Variants in ATF7 observed in about 807,000 individuals in gnomAD.
ATF7 encodes the protein cyclic AMP-dependent transcription factor ATF-7.
A neutral mutation model predicts 50.4 loss-of-function variants in ATF7; 10 were observed. The observed-to-expected ratio is 0.20, with a 90% CI of 0.12 to 0.34. ATF7 has a LOEUF of 0.34. ATF7 is among the 10% of genes least tolerant of loss of function. ATF7 has a pLI of 1.00. For synonymous variants in ATF7, 201 were observed against 226.4 expected (o/e 0.89, Z 1.01); for missense variants, 465 against 613.9 (o/e 0.76, Z 2.56).
Position 53,597,646 on chromosome 12 carries a change from A to G in ATF7, c.48+3307T>C, listed in dbSNP as rs1943222467. 7.9e-5 allele frequency among the ~76,000 whole-genome samples: 12 copies of G among 152,114 alleles called. No individual in the cohort carries two copies. In the South Asian group the frequency reaches 2.5e-3, roughly 32 times the overall value. On this transcript the variant is annotated intron_variant, in intron 2 of 11. Transcript: ENST00000420353. Reference sequence around the variant, plus strand: ...AACACGGTGAAACCCTGTCTCTACTAAAAATACAAAAAATTAGCTGGGTGT... The same window carrying G: ...AACACGGTGAAACCCTGTCTCTACTGAAAATACAAAAAATTAGCTGGGTGT...
At chr12:53,563,657 C>T (rs748681991) in intron 2 of ATF7, among the ~76,000 whole-genome samples, 3 of 152,194 alleles carry the variant, frequency 2.0e-5, no homozygotes, top group Admixed American at 6.5e-5. Flanking sequence ...AAAAACATGT[C>T]TCACACTTAT....
intron 1 of ATF7, among the ~76,000 whole-genome samples, chr12:53,604,420 G>A (rs759889391): frequency 1.6e-4 from 24 of 152,164 alleles, no homozygotes; most frequent in Non-Finnish European, 3.2e-4. Flanking sequence ...TGGTCACTGT[G>A]TAAGAAAACA....
downstream of ATF7, among the ~76,000 whole-genome samples, chr12:53,510,042 CTT>C (rs552667000): frequency 7.0e-5 from 10 of 142,544 alleles, no homozygotes; most frequent in Non-Finnish European, 9.3e-5. Context: ...GTAGTTTTAT[CTT>C]TTTTTTTTTT....
chr12:53,530,951 A>G (rs1435712350), intron 9 of ATF7, among the ~76,000 whole-genome samples: 1 of 152,070 alleles, frequency 6.6e-6, no homozygotes, highest in African/African-American at 2.4e-5. Flanking sequence ...ACATTTCATT[A>G]ATATATTGTT....
chr12:53,534,330 C>T, intron 6 of ATF7, among the ~76,000 whole-genome samples, 172 bp downstream of exon 6: 1 of 149,610 alleles, frequency 6.7e-6, no homozygotes, highest in East Asian at 1.9e-4. Flanking sequence ...ATTTGCTTGT[C>T]TATTAAAAAG....
intron 4 of ATF7, among the ~76,000 whole-genome samples, 163 bp from the exon 5 acceptor site, chr12:53,537,715 T>A (rs911245033): frequency 2.2e-4 from 33 of 152,066 alleles, no homozygotes; most frequent in African/African-American, 7.0e-4. Flanking sequence ...TTATGTTTGA[T>A]TTGTTTTGTA....
At chr12:53,582,573 A>G (rs1015452098) in intron 2 of ATF7, among the ~76,000 whole-genome samples, 2 of 152,046 alleles carry the variant, frequency 1.3e-5, no homozygotes, top group Non-Finnish European at 2.9e-5. Flanking sequence ...ATTACTATAT[A>G]TATTTTATTT....
chr12:53,518,264 C>T (rs1937852803), intron 11 of ATF7, among the ~76,000 whole-genome samples: 1 of 152,214 alleles, frequency 6.6e-6, no homozygotes, highest in Non-Finnish European at 1.5e-5. Flanking sequence ...ATGGCCAGTC[C>T]CTGGCCCGGG....
intron 2 of ATF7, among the ~76,000 whole-genome samples, chr12:53,577,367 C>T (rs1040696947): frequency 6.6e-6 from 1 of 151,960 alleles, no homozygotes; most frequent in Non-Finnish European, 1.5e-5. Flanking sequence ...AACAAAATAT[C>T]CAAGAACTGT....
intron 2 of ATF7, among the ~76,000 whole-genome samples, chr12:53,553,261 A>G (rs1206050489): frequency 2.6e-5 from 4 of 152,238 alleles, no homozygotes; most frequent in Non-Finnish European, 4.4e-5. Context: ...TACCAGCCCC[A>G]TCGGCCAAAT....
In ATF7 at chr12:53,514,785, G is replaced by A. The variant is rs1356877038; in HGVS notation, c.*2352C>T. On this transcript the variant is annotated 3_prime_UTR_variant, in exon 12 of 12. Coordinates refer to ENST00000420353, the MANE Select transcript of ATF7 (RefSeq NM_006856.3). ...GACAGACTGGCAGGGCATGTATGCA[G>A]TTACAAATTAATTCTTAACTGTAAA... The A allele has an allele frequency of 2.0e-5, 3 of 152,198 alleles. No homozygotes were observed. The highest frequency in any genetic ancestry group is 4.4e-5 in the Non-Finnish European group (3 of 68,044). The allele number at this position is 152,198 out of a possible 1,614,324, so 9.4% of individuals were successfully genotyped here.
chr12:53,537,594 C>G (rs1221099328), intron 4 of ATF7, 42 bp from the exon 5 acceptor site: 2 of 1,601,560 alleles, frequency 1.2e-6, no homozygotes, highest in South Asian at 2.2e-5. Context: ...CCCTATGATT[C>G]CTTTCAGGTT....
chr12:53,602,496 G>A (rs1349022140), intron 1 of ATF7, among the ~76,000 whole-genome samples: 9 of 152,022 alleles, frequency 5.9e-5, no homozygotes, highest in Non-Finnish European at 8.8e-5. Context: ...ACAACTAATC[G>A]GTGTTTAAAA....
chr12:53,530,578 T>TTTTA (rs1261970144), intron 9 of ATF7, among the ~76,000 whole-genome samples: 28 of 151,916 alleles, frequency 1.8e-4, no homozygotes, highest in Middle Eastern at 6.8e-3. Context: ...ATTTTTTTAT[T>TTTTA]TTTATTTATT....
chr12:53,532,968 T>A (rs1297352287), intron 7 of ATF7, among the ~76,000 whole-genome samples, 192 bp downstream of exon 7: 2 of 152,216 alleles, frequency 1.3e-5, no homozygotes, highest in South Asian at 4.1e-4. Context: ...ATTGTCCAGA[T>A]GAGTCTTTAT....
At chr12:53,531,237 A>G (rs1050603705) in intron 9 of ATF7, among the ~76,000 whole-genome samples, 2 of 151,986 alleles carry the variant, frequency 1.3e-5, no homozygotes, top group East Asian at 2.0e-4. Context: ...CCTGGCCAAC[A>G]TGGTGAGACC....
chr12:53,620,540 C>A (rs1462834367), intron 1 of ATF7, among the ~76,000 whole-genome samples: 10 of 137,508 alleles, frequency 7.3e-5, no homozygotes, highest in Non-Finnish European at 1.2e-4. Flanking sequence ...CCCGCCACTG[C>A]ACTCCAGCCT....
intron 3 of ATF7, among the ~76,000 whole-genome samples, chr12:53,546,845 C>T (rs546333290): frequency 7.2e-5 from 11 of 152,038 alleles, no homozygotes; most frequent in African/African-American, 2.7e-4. Flanking sequence ...GCAGCCTCTG[C>T]CTCCTAGGCT....
At chr12:53,610,276 A>C (rs1276470821) in intron 1 of ATF7, among the ~76,000 whole-genome samples, 2 of 152,048 alleles carry the variant, frequency 1.3e-5, no homozygotes, top group African/African-American at 4.8e-5. Flanking sequence ...AACGAGATAC[A>C]AAAATGGGCC....
Sources: gnomAD v4.1 joint callset for allele counts (sites outside exome capture counted in the v4.1 genomes callset) on GRCh38, gnomAD v4.1.1 for gene constraint, MANE v1.5 for transcripts, NCBI Gene and HGNC (gene_info 2026-07-23, HGNC 2026-07-21) for gene names.